The following MICAL3 variants were observed in gnomAD, a reference collection of about 807,000 sequenced individuals.
MICAL3 encodes microtubule associated monooxygenase, calponin and LIM domain containing 3.
Under a neutral mutation model 207.4 loss-of-function variants are expected in MICAL3, and 62 were observed. The ratio of observed to expected loss-of-function variants is 0.30; its 90% CI spans 0.24 to 0.37. MICAL3 has a LOEUF of 0.37. MICAL3 is among the 10% of genes least tolerant of loss of function. MICAL3 has a pLI of 1.00. For synonymous variants in MICAL3, 1,077 were observed against 1,069.3 expected (o/e 1.01, Z -0.14); for missense variants, 2,368 against 2,635.6 (o/e 0.90, Z 2.22).
At chr22:17,991,392 A>G (rs550423457) in intron 1 of MICAL3, among the ~76,000 whole-genome samples, 25 of 152,366 alleles carry the variant, frequency 1.6e-4, no homozygotes, top group Admixed American at 3.3e-4. Context: ...GAATTGTTGC[A>G]AAATTCTTTT....
intron 1 of MICAL3, among the ~76,000 whole-genome samples, chr22:17,993,378 C>G (rs969012483): frequency 6.6e-6 from 1 of 152,060 alleles, no homozygotes; most frequent in Non-Finnish European, 1.5e-5. Context: ...TTTGAAGCCC[C>G]GCATGCATTA....
In MICAL3 at chr22:17,819,148, G is replaced by T. The variant is rs377228413; in HGVS notation, c.3532-19C>A. ...GGGGCCCCTACAGGGAAGGAAGACA[G>T]AAGCCGCTGAGAAGGTGTGGGCTTT... On this transcript the variant is annotated intron_variant, in intron 25 of 31. Transcript: ENST00000441493. The T allele has an allele frequency of 1.2e-4, 170 of 1,454,362 alleles. 2 individuals carry two copies. The African/African-American group carries it at 2.1e-3, about 18-fold the overall frequency. 90.1% of individuals were successfully genotyped at this position (1,454,362 alleles called of 1,614,324 possible).
chr22:17,842,289 C>T (rs116918219), intron 19 of MICAL3: 13,239 of 504,868 alleles, frequency 0.026, 360 homozygotes, highest in South Asian at 0.091. Context: ...AGAGGGGAGA[C>T]GCAGTCTCCC....
At chr22:17,890,648 T>C (rs997240146) in intron 12 of MICAL3, among the ~76,000 whole-genome samples, 1 of 152,258 alleles carries the variant, frequency 6.6e-6, no homozygotes, top group African/African-American at 2.4e-5. Flanking sequence ...TGTCAGTTTA[T>C]AACCATCATA....
chr22:17,875,918 C>A (rs1268074733), intron 16 of MICAL3, among the ~76,000 whole-genome samples: 1 of 152,148 alleles, frequency 6.6e-6, no homozygotes, highest in Non-Finnish European at 1.5e-5. Context: ...TGCCAAGCAA[C>A]CCCCGGCCTG....
intron 23 of MICAL3, 35 bp downstream of exon 23, chr22:17,822,912 C>A (rs777079830): frequency 5.0e-6 from 7 of 1,408,950 alleles, no homozygotes; most frequent in Non-Finnish European, 7.0e-6. Flanking sequence ...CTTCCCTGAG[C>A]TCCCACCACA....
intron 18 of MICAL3, among the ~76,000 whole-genome samples, 185 bp from the exon 19 acceptor site, chr22:17,865,171 C>T (rs1926955168): frequency 6.6e-6 from 1 of 151,704 alleles, no homozygotes; most frequent in African/African-American, 2.4e-5. Flanking sequence ...AGTGCAGCGG[C>T]ATCATCATAG....
At chr22:17,880,767 G>C (rs772446101) in intron 16 of MICAL3, among the ~76,000 whole-genome samples, 4 of 152,198 alleles carry the variant, frequency 2.6e-5, no homozygotes, top group Non-Finnish European at 4.4e-5. Context: ...ATGGGCAAGA[G>C]GCAGAGCTCC....
chr22:17,926,836 T>C (rs9617640), intron 1 of MICAL3, among the ~76,000 whole-genome samples: 3,367 of 152,358 alleles, frequency 0.022, 54 homozygotes, highest in African/African-American at 0.037. Context: ...GTCACTGCAT[T>C]GGACTTCATT....
At chr22:17,881,290 T>C (rs1929404207) in intron 16 of MICAL3, 1 of 1,606,046 alleles carries the variant, frequency 6.2e-7, no homozygotes, top group African/African-American at 1.3e-5. Flanking sequence ...CCGAGAACAC[T>C]CCTTTTCCCG....
Position 17,871,883 on chromosome 22 carries a change from G to A in MICAL3, c.2382C>T (p.Cys794=), listed in dbSNP as rs751101891. The part of the protein sequence containing the change: ...FHRSCFKCEY[C]ATTLRLSAYA... The stretch of plus-strand genomic sequence containing the variant: ...AGGCCGAGAGGCGCAGGGTGGTGGC[G>A]CAGTACTCGCACTTGAAGCAGCTCC... Residue 794 remains cysteine (C), a synonymous_variant, in exon 17 of 32, where the codon TGC becomes TGT. Transcript: ENST00000441493. 1.7e-5 allele frequency: 27 copies of A among 1,610,948 alleles called. No individual in the cohort carries two copies. The highest frequency in any genetic ancestry group is 6.7e-5 in the South Asian group (6 of 90,122).
intron 17 of MICAL3, among the ~76,000 whole-genome samples, chr22:17,867,541 T>A (rs1419891712): frequency 6.6e-6 from 1 of 152,234 alleles, no homozygotes; most frequent in Non-Finnish European, 1.5e-5. Flanking sequence ...CCTTCCTCCA[T>A]GAGACTGACA....
At chr22:17,987,692 T>C (rs1023106402) in intron 1 of MICAL3, among the ~76,000 whole-genome samples, 1 of 152,236 alleles carries the variant, frequency 6.6e-6, no homozygotes, top group African/African-American at 2.4e-5. Context: ...CACTGGGAAC[T>C]TTCTCGATCA....
intron 29 of MICAL3, among the ~76,000 whole-genome samples, chr22:17,795,222 G>C (rs1252631134): frequency 1.3e-5 from 2 of 152,234 alleles, no homozygotes; most frequent in Admixed American, 1.3e-4. Flanking sequence ...GTACGAGGGA[G>C]GATTTCTTTC....
At chr22:17,821,141 C>A (rs1921602225) in intron 25 of MICAL3, among the ~76,000 whole-genome samples, 1 of 151,886 alleles carries the variant, frequency 6.6e-6, no homozygotes. Context: ...GGGTAGAGGA[C>A]TCAGGTTTGG....
chr22:17,887,161 G>C lies in MICAL3; in HGVS notation c.2067+9C>G, dbSNP rs750810733. On this transcript the variant is annotated intron_variant, in intron 15 of 31. Coordinates refer to ENST00000441493, the MANE Select transcript of MICAL3 (RefSeq NM_015241.3). The stretch of plus-strand genomic sequence containing the variant: ...TGACCATTCTAGCAATTCCCCAAGT[G>C]AATCTCACCTCCTCTGATTGACTGG... 2.2e-5 allele frequency: 35 copies of C among 1,611,884 alleles called. No individual in the cohort carries two copies. The highest frequency in any genetic ancestry group is 2.9e-5 in the Non-Finnish European group (34 of 1,178,346).
intron 1 of MICAL3, among the ~76,000 whole-genome samples, chr22:17,953,553 T>C (rs1164202015): frequency 6.6e-6 from 1 of 151,956 alleles, no homozygotes; most frequent in Non-Finnish European, 1.5e-5. Context: ...CTCTGGGACA[T>C]GGGGGCTATA....
chr22:17,796,474 G>A lies in MICAL3; in HGVS notation c.5651-5173C>T, dbSNP rs893960948. ...ACCGGCCAGGTGTGGCTGCCAGGATGGGCAAATTCAAATGAGGGTTCTGAG... is the reference window on the plus strand; with the variant it reads ...ACCGGCCAGGTGTGGCTGCCAGGATAGGCAAATTCAAATGAGGGTTCTGAG... On this transcript the variant is annotated intron_variant, in intron 29 of 31. Transcript: ENST00000441493. This position sits in a 1 kb window ranked among gnomAD's most constrained non-coding sequence, Gnocchi z 4.4. Among the ~76,000 whole-genome samples the A allele has an allele frequency of 2.0e-5, 3 of 152,232 alleles. No individual in the cohort carries two copies. Among genetic ancestry groups the A allele is most frequent in the Admixed American group, 1.3e-4 (2 of 15,286 alleles).
intron 1 of MICAL3, among the ~76,000 whole-genome samples, chr22:18,011,723 T>C (rs937559714): frequency 1.4e-5 from 2 of 147,216 alleles, no homozygotes; most frequent in Non-Finnish European, 3.0e-5. Flanking sequence ...AATATACTAA[T>C]TAAATATACA....
Sources: gnomAD v4.1 joint callset for allele counts (sites outside exome capture counted in the v4.1 genomes callset) on GRCh38, gnomAD v4.1.1 for gene constraint, Gnocchi (gnomAD v3.1) non-coding constraint, MANE v1.5 for transcripts, NCBI Gene and HGNC (gene_info 2026-07-23, HGNC 2026-07-21) for gene names.